Variants in EMC3 observed in about 807,000 individuals in gnomAD.
EMC3 encodes the protein 30 kDa protein.
A neutral mutation model predicts 36.6 loss-of-function variants in EMC3; 13 were observed. The observed-to-expected ratio is 0.35, with a 90% confidence interval of 0.23 to 0.56. The LOEUF is 0.56. EMC3 is among the 20% of genes least tolerant of loss of function. The pLI is 0.84. For missense variants in EMC3, 220 were observed against 324.5 expected, an observed-to-expected ratio of 0.68 and a Z score of 2.47; for synonymous variants, 120 against 111.9, an observed-to-expected ratio of 1.07 and a Z score of -0.46.
At chr3:10,003,064 G>A (rs756935642) in intron 1 of EMC3, 4 of 456,512 alleles carry the variant, frequency 8.8e-6, no homozygotes, top group South Asian at 4.6e-5. Context: ...GCATGACCCT[G>A]TGGCCTACCC....
upstream of EMC3, chr3:9,987,098 C>T (rs924528160): frequency 1.2e-6 from 1 of 826,804 alleles, no homozygotes; most frequent in Non-Finnish European, 1.5e-6. Flanking sequence ...CCTGTAGTCG[C>T]AGCTACTCGG....
At chr3:9,981,386 G>A (rs1489908815) in intron 1 of EMC3, among the ~76,000 whole-genome samples, 1 of 152,122 alleles carries the variant, frequency 6.6e-6, no homozygotes, top group Non-Finnish European at 1.5e-5. Flanking sequence ...TGACCCTGAG[G>A]TATTTCAAGA....
intron 1 of EMC3, chr3:10,000,666 A>C: frequency 1.0e-5 from 5 of 478,102 alleles, no homozygotes; most frequent in Non-Finnish European, 1.7e-5. Context: ...TTTTTAAGAT[A>C]AGCTATCAAG....
chr3:9,986,515 T>C lies in EMC3; in HGVS notation c.147A>G (p.Val49=). The change falls in exon 1 of 8, where the codon GTA becomes GTG. Residue 49 remains valine (V), a synonymous_variant. Coordinates refer to ENST00000245046, the MANE Select transcript of EMC3 (RefSeq NM_001394674.1). Reference sequence around the variant, plus strand: ...GAAGGGAGGGCGCTGACCTGTCAGATACTTGTTCCTGGGTGAGCTTCTTGT... The same window carrying C: ...GAAGGGAGGGCGCTGACCTGTCAGACACTTGTTCCTGGGTGAGCTTCTTGT... ...QSDKKLTQEQ[V]SDSQVLIRSR... is the part of the protein sequence containing the mutation. 1 of 1,614,174 alleles carries C rather than the reference T, an allele frequency of 6.2e-7. No individual in the cohort carries two copies. The highest frequency in any genetic ancestry group is 8.5e-7 in the Non-Finnish European group (1 of 1,180,016).
chr3:9,969,263 A>T, intron 7 of EMC3: 1 of 1,013,872 alleles, frequency 9.9e-7, no homozygotes, highest in South Asian at 2.3e-5. Flanking sequence ...CCTGGCCGGA[A>T]CTTCCCTTCT....
rs909175706 is a variant in EMC3 at position 9,977,124 on chromosome 3, G to A, written c.214-74C>T. ...CAAACTGTTAAATTACTCCCCAGTG[G>A]CTTAGTCAGAAGGCCTTTAGGATAT... On this transcript the variant is annotated intron_variant, in intron 2 of 7. Transcript: ENST00000245046. 123 of 1,223,208 alleles carry A rather than the reference G, an allele frequency of 1.0e-4. No individual in the cohort carries two copies. In the Middle Eastern group the frequency reaches 1.4e-3, roughly 14 times the overall value. 75.8% of individuals were successfully genotyped at this position (1,223,208 alleles called of 1,614,324 possible).
chr3:9,985,014 T>C (rs1279515224), intron 1 of EMC3, among the ~76,000 whole-genome samples: 3 of 152,226 alleles, frequency 2.0e-5, no homozygotes, highest in African/African-American at 7.2e-5. Flanking sequence ...ATAGAGTAAA[T>C]GGTTATTATT....
Position 9,986,537 on chromosome 3 carries a change from T to C in EMC3, c.125A>G (p.Lys42Arg). The C allele has an allele frequency of 6.2e-7, 1 of 1,614,182 alleles. No homozygotes were observed. The highest frequency in any genetic ancestry group is 8.5e-7 in the Non-Finnish European group (1 of 1,180,024). ...HYVSILLQSD[K>R]KLTQEQVSDS... Reference sequence around the variant, plus strand: ...AGATACTTGTTCCTGGGTGAGCTTCTTGTCGCTCTGCAGCAGGATGGACAC... The same window carrying C: ...AGATACTTGTTCCTGGGTGAGCTTCCTGTCGCTCTGCAGCAGGATGGACAC... Residue 42 changes from lysine to arginine, a missense_variant, in exon 1 of 8, where the codon AAG becomes AGG. Lys to Arg is a conservative substitution (Grantham distance 26). This residue lies in a region of EMC3 where 127 missense variants were observed against 174.6 expected (regional missense o/e 0.73). Coordinates refer to ENST00000245046, the MANE Select transcript of EMC3 (RefSeq NM_001394674.1).
upstream of EMC3, among the ~76,000 whole-genome samples, chr3:9,990,868 G>A (rs1356257337): frequency 6.6e-6 from 1 of 150,396 alleles, no homozygotes; most frequent in Non-Finnish European, 1.5e-5. Context: ...TCTCGCTGTC[G>A]CCCAGGCTGT....
intron 1 of EMC3, among the ~76,000 whole-genome samples, chr3:9,999,225 T>C (rs1441465913): frequency 1.3e-5 from 2 of 152,032 alleles, no homozygotes; most frequent in African/African-American, 2.4e-5. Flanking sequence ...GTATTTAGTT[T>C]CGATAAAGTC....
chr3:10,003,970 A>G (rs2086233655), intron 1 of EMC3: 1 of 152,448 alleles, frequency 6.6e-6, no homozygotes, highest in Admixed American at 6.5e-5. Context: ...ACATTCCATG[A>G]TGGGCAGAAG....
rs6797980 is a variant in EMC3, at chr3:9,986,824, C to A, written c.-163G>T. 6,663 of 1,408,118 alleles carry A rather than the reference C, an allele frequency of 4.7e-3. 287 individuals are homozygous for A. The African/African-American group carries it at 0.085, about 18-fold the overall frequency. 87.2% of individuals were successfully genotyped at this position (1,408,118 alleles called of 1,614,324 possible). A position where few individuals can be genotyped will look rare whatever the true frequency, so the allele number is the denominator to read the frequency against. ...GCCGAGCTTACTGCCTTCAGCTGGGCTGCCTGGTCTTCCACTTCCGGCGCG... is the reference window on the plus strand; with the variant it reads ...GCCGAGCTTACTGCCTTCAGCTGGGATGCCTGGTCTTCCACTTCCGGCGCG... On this transcript the variant is annotated 5_prime_UTR_variant, in exon 1 of 8. Transcript: ENST00000245046.
upstream of EMC3, chr3:9,988,230 C>T: frequency 2.0e-5 from 12 of 593,898 alleles, no homozygotes; most frequent in South Asian, 2.1e-4. Flanking sequence ...CCCAGGCAGA[C>T]TACAGTGCAA....
chr3:9,989,543 G>C (rs1318116109), upstream of EMC3, among the ~76,000 whole-genome samples: 2 of 152,176 alleles, frequency 1.3e-5, no homozygotes, highest in Non-Finnish European at 2.9e-5. Flanking sequence ...TTCTTTGGTT[G>C]GAATCTGTTT....
At chr3:9,998,353 G>A (rs914912781) in intron 1 of EMC3, among the ~76,000 whole-genome samples, 15 of 131,116 alleles carry the variant, frequency 1.1e-4, no homozygotes, top group African/African-American at 3.7e-4. Flanking sequence ...GCAACAGAGC[G>A]AGACTCTGTC....
chr3:9,967,730 T>C (rs2085747594), intron 7 of EMC3, among the ~76,000 whole-genome samples: 1 of 152,250 alleles, frequency 6.6e-6, no homozygotes. Flanking sequence ...AGCTTGTCAA[T>C]TTCTGCAAGA....
chr3:10,007,126 A>G (rs1294915312), intron 1 of EMC3: 7 of 337,516 alleles, frequency 2.1e-5, no homozygotes, highest in Non-Finnish European at 3.3e-5. Flanking sequence ...GATTCCTGTC[A>G]GTTACTCAGA....
intron 4 of EMC3, 57 bp downstream of exon 4, chr3:9,974,327 C>T: frequency 1.7e-6 from 2 of 1,159,492 alleles, no homozygotes; most frequent in Non-Finnish European, 2.6e-6. Flanking sequence ...ATATTAGTGT[C>T]TCACTAGCAC....
intron 1 of EMC3, chr3:10,000,533 C>T (rs759028482): frequency 1.2e-5 from 3 of 244,588 alleles, no homozygotes; most frequent in Non-Finnish European, 2.5e-5. Flanking sequence ...ACAAAATATT[C>T]TGTCATTTAT....
Sources: gnomAD v4.1 joint callset for allele counts (sites outside exome capture counted in the v4.1 genomes callset) on GRCh38, gnomAD v4.1.1 for gene constraint, gnomAD v4.1.1 regional missense constraint, MANE v1.5 for transcripts, NCBI Gene and HGNC (gene_info 2026-07-23, HGNC 2026-07-21) for gene names.